Variants in DNAJB6 observed in about 807,000 individuals in gnomAD.
DNAJB6 encodes the protein DnaJ heat shock protein family (Hsp40) member B6, also known as dnaJ homolog subfamily B member 6.
In DNAJB6, 16 loss-of-function variants were observed where a neutral mutation model predicts 42.7. The observed-to-expected ratio is 0.37, with a 90% CI of 0.25 to 0.57. The LOEUF is 0.57. Among genes scored for constraint, DNAJB6 ranks in the 20% least tolerant of loss-of-function variants. DNAJB6 has a pLI of 0.74. For synonymous variants in DNAJB6, 170 were observed against 163.5 expected, an observed-to-expected ratio of 1.04 and a Z score of -0.30; for missense variants, 347 against 416.8, an observed-to-expected ratio of 0.83 and a Z score of 1.46.
At chr7:157,385,327 G>A (rs1306331199) in intron 7 of DNAJB6, among the ~76,000 whole-genome samples, 1 of 152,194 alleles carries the variant, frequency 6.6e-6, no homozygotes, top group African/African-American at 2.4e-5. Context: ...GCATCCGCCT[G>A]TACGGTATTT....
Position 157,397,027 on chromosome 7 carries a change from C to T in DNAJB6, c.691+11416C>T, listed in dbSNP as rs1486975915. ...TCCTCCTGGAATTATCCTCACCACT[C>T]GGCTGAGGGATGCTGTCCACACCCC... On this transcript the variant is annotated intron_variant, in intron 8 of 9. Transcript: ENST00000262177. Among the ~76,000 whole-genome samples the T allele has an allele frequency of 3.3e-5, 5 of 152,182 alleles. No homozygotes were observed. In the East Asian group the frequency reaches 5.8e-4, roughly 18 times the overall value.
At chr7:157,364,948 TTTC>T (rs1799773208) in intron 3 of DNAJB6, among the ~76,000 whole-genome samples, 1 of 152,218 alleles carries the variant, frequency 6.6e-6, no homozygotes, top group Non-Finnish European at 1.5e-5. Flanking sequence ...AATGTGAGAT[TTTC>T]TTCTACTTTT....
chr7:157,343,984 C>T (rs548673078), intron 1 of DNAJB6, among the ~76,000 whole-genome samples: 38 of 152,174 alleles, frequency 2.5e-4, no homozygotes, highest in African/African-American at 7.5e-4. Context: ...TTTTCTATGG[C>T]TTCCTTAATA....
At chr7:157,355,558 TCTGTGGGTGGTG>T (rs1799228989) in intron 1 of DNAJB6, among the ~76,000 whole-genome samples, 1 of 152,110 alleles carries the variant, frequency 6.6e-6, no homozygotes, top group African/African-American at 2.4e-5. Flanking sequence ...CTGGGAAACG[TCTGTGGGTGGTG>T]CTGTGGGTTT....
At chr7:157,350,657 CT>C (rs1193907694) in intron 1 of DNAJB6, among the ~76,000 whole-genome samples, 1 of 151,486 alleles carries the variant, frequency 6.6e-6, no homozygotes, top group Non-Finnish European at 1.5e-5. Context: ...CAATATGGCA[CT>C]TTTCTCGAAG....
intron 1 of DNAJB6, among the ~76,000 whole-genome samples, chr7:157,357,478 T>A (rs1043439958): frequency 1.2e-4 from 18 of 150,648 alleles, no homozygotes; most frequent in African/African-American, 4.4e-4. Context: ...TGCCGGCTAA[T>A]TTTTGTATTT....
At chr7:157,369,129 A>G in intron 5 of DNAJB6, 1 of 370,534 alleles carries the variant, frequency 2.7e-6, no homozygotes, top group South Asian at 2.0e-5. Context: ...ATTTCCGATT[A>G]GGGGACCGGG....
intron 5 of DNAJB6, chr7:157,379,783 A>AT (rs997732898): frequency 6.7e-6 from 1 of 149,364 alleles, no homozygotes; most frequent in Admixed American, 6.7e-5. Flanking sequence ...AATGTCTTCA[A>AT]TTTATGGAAA....
intron 9 of DNAJB6, 102 bp from the exon 10 acceptor site, chr7:157,415,912 TGC>T: frequency 6.3e-7 from 1 of 1,590,990 alleles, no homozygotes; most frequent in East Asian, 2.2e-5. Flanking sequence ...TTCATTTTGT[TGC>T]TTTTTGTTCT....
intron 2 of DNAJB6, among the ~76,000 whole-genome samples, chr7:157,361,472 A>G (rs1299538975): frequency 6.6e-6 from 1 of 152,302 alleles, no homozygotes; most frequent in South Asian, 2.1e-4. Context: ...ATGTTTGTTT[A>G]GGTCCACAGT....
intron 5 of DNAJB6, among the ~76,000 whole-genome samples, chr7:157,371,068 C>T (rs557613650): frequency 2.6e-5 from 4 of 152,302 alleles, no homozygotes; most frequent in African/African-American, 9.6e-5. Flanking sequence ...ATTGGAGTCT[C>T]ATAAGGGCAC....
chr7:157,356,426 C>T (rs1391933960), intron 1 of DNAJB6, among the ~76,000 whole-genome samples: 1 of 152,226 alleles, frequency 6.6e-6, no homozygotes. Flanking sequence ...GGTGTTCCTA[C>T]TTACGGGAGT....
chr7:157,337,339 C>A lies in DNAJB6; in HGVS notation c.-27+195C>A, dbSNP rs1798092116. On this transcript the variant is annotated intron_variant, in intron 1 of 9. Coordinates refer to ENST00000262177, the MANE Select transcript of DNAJB6 (RefSeq NM_058246.4). ...GTGGGCGGGGTCCTCTGGGTCAGGT[C>A]TGGGGCCGGGGCCGGGGCTGGGGTC... Among the ~76,000 whole-genome samples, 3 of 150,736 alleles carry A rather than the reference C, an allele frequency of 2.0e-5. No individual in the cohort carries two copies. In the South Asian group the frequency reaches 6.3e-4, roughly 31 times the overall value.
chr7:157,346,412 C>G (rs1029883041), intron 1 of DNAJB6, among the ~76,000 whole-genome samples: 3 of 150,524 alleles, frequency 2.0e-5, no homozygotes, highest in Non-Finnish European at 4.4e-5. Flanking sequence ...TAATTGGTAC[C>G]TAGTTTTATA....
Position 157,409,852 on chromosome 7 carries a change from T to G in DNAJB6, c.749T>G (p.Leu250Arg). ...CGCATGCGGAGAGGCCAGAACGCCC[T>G]GCCAGCCCAGCCTGCCGGCCTCCGC... ...EERMRRGQNA[L>R]PAQPAGLRPP... is the part of the protein sequence containing the mutation. Residue 250 changes from leucine (L) to arginine (R), a missense_variant, in exon 9 of 10, where the codon CTG becomes CGG. Around this residue, in one of 3 missense-constraint regions of DNAJB6, gnomAD observed 264 missense variants for 288.0 expected, o/e 0.92. Transcript: ENST00000262177. The G allele has an allele frequency of 5.9e-6, 9 of 1,533,582 alleles. No individual in the cohort carries two copies. Among genetic ancestry groups the G allele is most frequent in the Non-Finnish European group, 7.9e-6 (9 of 1,145,718 alleles). 95.0% of individuals were successfully genotyped at this position (1,533,582 alleles called of 1,614,324 possible). A position where few individuals can be genotyped will look rare whatever the true frequency, so the allele number is the denominator to read the frequency against.
chr7:157,369,288 T>C (rs1799996164), intron 5 of DNAJB6: 1 of 456,642 alleles, frequency 2.2e-6, no homozygotes, highest in Admixed American at 2.3e-5. Flanking sequence ...AATTTACGGA[T>C]TGATCTCTGT....
intron 9 of DNAJB6, 49 bp from the exon 10 acceptor site, chr7:157,415,967 G>T: frequency 6.2e-7 from 1 of 1,608,754 alleles, no homozygotes; most frequent in South Asian, 1.1e-5. Context: ...GCTCTTGCTG[G>T]GGAAGCAGTG....
At chr7:157,384,107 A>G (rs566004408) in intron 6 of DNAJB6, among the ~76,000 whole-genome samples, 2 of 152,198 alleles carry the variant, frequency 1.3e-5, no homozygotes, top group African/African-American at 2.4e-5. Context: ...GAAACAGGAC[A>G]AAAGCTCTAA....
At chr7:157,410,183 C>T (rs988579727) in intron 9 of DNAJB6, 182 bp downstream of exon 9, 45 of 1,374,230 alleles carry the variant, frequency 3.3e-5, no homozygotes, top group Non-Finnish European at 4.2e-5. Flanking sequence ...GCGCCCCACG[C>T]CACGGTGGCT....
Sources: allele counts gnomAD v4.1 joint callset (sites outside exome capture counted in the v4.1 genomes callset), GRCh38; gene constraint gnomAD v4.1.1; regional missense constraint gnomAD v4.1.1; transcripts MANE v1.5; gene names NCBI Gene and HGNC (gene_info 2026-07-23, HGNC 2026-07-21).